The following PIEZO2 variants were observed in gnomAD, a reference collection of about 807,000 sequenced individuals.
The protein encoded by PIEZO2 is piezo type mechanosensitive ion channel component 2.
Under a neutral mutation model 337.3 loss-of-function variants are expected in PIEZO2, and 172 were observed. The observed-to-expected ratio is 0.51, with a 90% confidence interval of 0.45 to 0.58. The LOEUF (loss-of-function observed/expected upper bound fraction) is 0.58. PIEZO2 is among the 20% of genes least tolerant of loss of function. The probability of loss-of-function intolerance (pLI) is 0.00; values close to 1 mark genes in which losing one functional copy is unlikely to be tolerated. For synonymous variants in PIEZO2, 1,251 were observed against 1,228.5 expected, an observed-to-expected ratio of 1.02 and a Z score of -0.38; for missense variants, 3,028 against 3,391.3, an observed-to-expected ratio of 0.89 and a Z score of 2.66.
At chr18:10,959,477 T>C (rs2033673583) in intron 3 of PIEZO2, among the ~76,000 whole-genome samples, 2 of 152,194 alleles carry the variant, frequency 1.3e-5, no homozygotes, top group African/African-American at 4.8e-5. Context: ...GACAATCCAC[T>C]GTAAAGGTTG....
intron 28 of PIEZO2, among the ~76,000 whole-genome samples, chr18:10,751,485 T>G (rs562295378): frequency 1.3e-5 from 2 of 152,326 alleles, no homozygotes; most frequent in South Asian, 4.1e-4. Context: ...ATAAGTCACT[T>G]TCACCATCAC....
chr18:10,879,391 C>CTTTTTTTTTTTTTTTTTTTTTTTTTTTT (rs11385433), intron 4 of PIEZO2, among the ~76,000 whole-genome samples: 1 of 106,040 alleles, frequency 9.4e-6, no homozygotes, highest in Non-Finnish European at 1.7e-5. Context: ...CCTTTCCAAT[C>CTTTTTTTTTTTTTTTTTTTTTTTTTTTT]TTTTTTTTTT....
intron 2 of PIEZO2, among the ~76,000 whole-genome samples, chr18:10,989,490 A>G (rs564994282): frequency 1.5e-5 from 2 of 137,204 alleles, no homozygotes; most frequent in African/African-American, 4.9e-5. Context: ...AAGCTCTAAG[A>G]CAAAAAAAAA....
intron 7 of PIEZO2, among the ~76,000 whole-genome samples, chr18:10,851,786 T>C (rs1487931051): frequency 6.6e-6 from 1 of 152,184 alleles, no homozygotes; most frequent in African/African-American, 2.4e-5. Context: ...TGATTTCACA[T>C]TATAATGACT....
Position 10,854,365 on chromosome 18 carries a change from C to T in PIEZO2, c.917+988G>A, listed in dbSNP as rs1423873551. On this transcript the variant is annotated intron_variant, in intron 7 of 55. Coordinates refer to ENST00000674853, the MANE Select transcript of PIEZO2 (RefSeq NM_001378183.1). This position sits in a 1 kb window ranked among gnomAD's most constrained non-coding sequence, Gnocchi z 4.6. ...TTTTTTTCTTTGCAATTAGCAAGCA[C>T]CAACAAGGTTCTACTTTGTCATTGT... Among the ~76,000 whole-genome samples the T allele has an allele frequency of 6.6e-6, 1 of 152,124 alleles. No homozygotes were observed. Among genetic ancestry groups the T allele is most frequent in the East Asian group, 1.9e-4 (1 of 5,196 alleles).
intron 36 of PIEZO2, chr18:10,725,603 GC>G: frequency 7.6e-7 from 1 of 1,319,604 alleles, no homozygotes. Context: ...TTCCTGAGCA[GC>G]CGCCTCCGCC....
In PIEZO2 at chr18:10,705,605, G is replaced by T; in HGVS notation, c.5730C>A (p.Tyr1910Ter). ...CCTCGGCACCCATGGCTCCCACATC[G>T]TACCCAGTGGCCTCGTACTCCTTGG... ...REAKEYEATGYDVGAMGAEEA... is the reference protein window; with the variant it reads ...REAKEYEATG Residue 1910 changes from tyrosine (Y) to a stop codon, truncating the protein, a stop_gained, in exon 41 of 56, where the codon TAC (tyrosine) becomes TAA (stop). Transcript: ENST00000674853. LOFTEE classifies it high-confidence loss of function. 6.5e-7 allele frequency: 1 copy of T among 1,537,114 alleles called. No individual in the cohort carries two copies. The highest frequency in any genetic ancestry group is 8.7e-7 in the Non-Finnish European group (1 of 1,146,864).
At chr18:10,836,028 T>C (rs9951907) in intron 7 of PIEZO2, among the ~76,000 whole-genome samples, 53,580 of 152,066 alleles carry the variant, frequency 0.35, 10,053 homozygotes, top group East Asian at 0.63. Flanking sequence ...TAAGCCTATG[T>C]CGCTTATGCT....
chr18:10,937,990 C>T (rs1220226578), intron 3 of PIEZO2, among the ~76,000 whole-genome samples: 1 of 152,134 alleles, frequency 6.6e-6, no homozygotes, highest in Non-Finnish European at 1.5e-5. Flanking sequence ...CAAGAAATTA[C>T]GCAGGTGACT....
chr18:10,794,621 G>A lies in PIEZO2; in HGVS notation c.1758+151C>T, dbSNP rs1214719092. 3 of 659,342 alleles carry A rather than the reference G, an allele frequency of 4.5e-6. No homozygotes were observed. The highest frequency in any genetic ancestry group is 7.5e-6 in the Non-Finnish European group (3 of 399,022). The allele number at this position is 659,342 out of a possible 1,614,324, so 40.8% of individuals were successfully genotyped here. ...TAAATTATAGAGGCCTCTAAGCACC[G>A]CAAACTGTTTCTTACAGTCTCATGT... On this transcript the variant is annotated intron_variant, in intron 13 of 55. Transcript: ENST00000674853. The surrounding 1 kb of genome is among the most constrained non-coding windows in gnomAD (Gnocchi z 6.6).
At chr18:11,025,899 A>G (rs1196689147) in intron 2 of PIEZO2, among the ~76,000 whole-genome samples, 1 of 152,084 alleles carries the variant, frequency 6.6e-6, no homozygotes, top group Non-Finnish European at 1.5e-5. Context: ...TTAACTCCAG[A>G]CTATAAGATC....
At chr18:10,983,764 T>C (rs1200374207) in intron 2 of PIEZO2, among the ~76,000 whole-genome samples, 1 of 152,132 alleles carries the variant, frequency 6.6e-6, no homozygotes, top group East Asian at 1.9e-4. Context: ...TCCCTGTGCA[T>C]GGCCTGCACA....
rs2036630925 is a variant in PIEZO2, at chr18:11,028,862, A to G, written c.160+37265T>C. Among the ~76,000 whole-genome samples the G allele has an allele frequency of 6.6e-6, 1 of 152,140 alleles. No individual in the cohort carries two copies. Among genetic ancestry groups the G allele is most frequent in the Non-Finnish European group, 1.5e-5 (1 of 68,012 alleles). ...TGACTCACTTCTTCAGCAAATATTC[A>G]TCAATTGCCCTGTGCCAAAGAATAC... is the stretch of plus-strand genomic sequence containing the variant. On this transcript the variant is annotated intron_variant, in intron 2 of 55. Coordinates refer to ENST00000674853, the MANE Select transcript of PIEZO2 (RefSeq NM_001378183.1). The surrounding 1 kb of genome is among the most constrained non-coding windows in gnomAD (Gnocchi z 4.8).
At chr18:10,925,973 A>G (rs1050239625) in intron 3 of PIEZO2, among the ~76,000 whole-genome samples, 2 of 152,200 alleles carry the variant, frequency 1.3e-5, no homozygotes, top group African/African-American at 4.8e-5. Flanking sequence ...ACTCATTCTA[A>G]GTTAGCTACA....
chr18:10,960,599 T>C (rs922505245), intron 3 of PIEZO2, among the ~76,000 whole-genome samples: 1 of 151,988 alleles, frequency 6.6e-6, no homozygotes, highest in Non-Finnish European at 1.5e-5. Flanking sequence ...TATTTTTACT[T>C]GATTGGTTTG....
At chr18:10,803,614 T>C (rs2039898907) in intron 9 of PIEZO2, among the ~76,000 whole-genome samples, 1 of 152,220 alleles carries the variant, frequency 6.6e-6, no homozygotes, top group Non-Finnish European at 1.5e-5. Context: ...AAATTATTTT[T>C]TAATAGGAAC....
Position 11,021,822 on chromosome 18 carries a change from A to G in PIEZO2, c.161-42162T>C, listed in dbSNP as rs1406017179. Among the ~76,000 whole-genome samples, 1 of 152,196 alleles carries G rather than the reference A, an allele frequency of 6.6e-6. No individual in the cohort carries two copies. The highest frequency in any genetic ancestry group is 1.5e-5 in the Non-Finnish European group (1 of 68,032). ...GCAGATGCAAACCAGGAAAATGCCC[A>G]GCTCTGCTGCAGTTCCATTCTTCTC... On this transcript the variant is annotated intron_variant, in intron 2 of 55. Coordinates refer to ENST00000674853, the MANE Select transcript of PIEZO2 (RefSeq NM_001378183.1). The surrounding 1 kb of genome is among the most constrained non-coding windows in gnomAD (Gnocchi z 4.7).
chr18:11,084,392 C>A (rs944490254), intron 1 of PIEZO2, among the ~76,000 whole-genome samples: 1 of 152,108 alleles, frequency 6.6e-6, no homozygotes, highest in Non-Finnish European at 1.5e-5. Flanking sequence ...CCAGTACAGT[C>A]CTGTGAAGTA....
intron 35 of PIEZO2, among the ~76,000 whole-genome samples, chr18:10,734,487 C>A (rs12326914): frequency 0.32 from 49,215 of 151,914 alleles, 8,717 homozygotes; most frequent in East Asian, 0.53. Context: ...ACTCGCTTAA[C>A]AGGTGAGGGA....
Sources: gnomAD v4.1 joint callset for allele counts (sites outside exome capture counted in the v4.1 genomes callset) on GRCh38, gnomAD v4.1.1 for gene constraint, Gnocchi (gnomAD v3.1) non-coding constraint, MANE v1.5 for transcripts, NCBI Gene and HGNC (gene_info 2026-07-23, HGNC 2026-07-21) for gene names.